The following UNC45A variants were observed in gnomAD, a reference collection of about 807,000 sequenced individuals.
The protein encoded by UNC45A is protein unc-45 homolog A.
A neutral mutation model predicts 103.2 loss-of-function variants in UNC45A; 78 were observed. The ratio of observed to expected loss-of-function variants is 0.76; its 90% CI spans 0.63 to 0.91. The LOEUF (loss-of-function observed/expected upper bound fraction) is 0.91, where lower values mean the gene tolerates loss of function less well. Ranked by LOEUF, UNC45A falls within the 40% of genes least tolerant of loss-of-function variation. The pLI is 0.00. For synonymous variants in UNC45A, 495 were observed against 504.6 expected (o/e 0.98, Z 0.25); for missense variants, 1,193 against 1,224.8 (o/e 0.97, Z 0.39).
chr15:90,934,832 G>C, upstream of UNC45A: 1 of 413,332 alleles, frequency 2.4e-6, no homozygotes, highest in Non-Finnish European at 4.3e-6. Flanking sequence ...CACTTATTTG[G>C]GGAGGGAGTC....
rs73494529 is a variant in UNC45A at position 90,940,631 on chromosome 15, G to C, written c.687+158G>C. 8.7e-3 allele frequency: 7,672 copies of C among 881,474 alleles called. 249 individuals carry two copies. The African/African-American group carries it at 0.089, about 10-fold the overall frequency. The allele number at this position is 881,474 out of a possible 1,614,324, so 54.6% of individuals were successfully genotyped here. The stretch of plus-strand genomic sequence containing the variant: ...CTTACCTTATTCTAAAAAGAACTTA[G>C]GTAGGTTATGGTGCCTCACACCTGT... On this transcript the variant is annotated intron_variant, in intron 6 of 19. Transcript: ENST00000418476.
At position 90,943,067 on chromosome 15, in the gene UNC45A, T is replaced by C. The variant is rs1473824754; in HGVS notation, c.1012T>C (p.Trp338Arg). 2 of 1,612,796 alleles carry C rather than the reference T, an allele frequency of 1.2e-6. No homozygotes were observed. The highest frequency in any genetic ancestry group is 4.5e-5 in the East Asian group (2 of 44,856). Reference sequence around the variant, plus strand: ...GGACCCCAACAACAGCCTCACCCTCTGGGTCATCGACCAAGGTAGGTGATA... The same window carrying C: ...GGACCCCAACAACAGCCTCACCCTCCGGGTCATCGACCAAGGTAGGTGATA... Reference protein sequence around the residue: ...LKDPNNSLTLWVIDQGLKKIL... With the variant: ...LKDPNNSLTLRVIDQGLKKIL... The change falls in exon 8 of 20, where the codon TGG (tryptophan) becomes CGG (arginine). Residue 338 changes from tryptophan (W) to arginine (R), a missense_variant. By Grantham distance (101) the Trp-to-Arg change is moderately radical. Transcript: ENST00000418476.
At position 90,949,757 on chromosome 15, in the gene UNC45A, C is replaced by G. The variant is rs554841012; in HGVS notation, c.2073+37C>G. 3.9e-4 allele frequency: 626 copies of G among 1,604,248 alleles called. 13 individuals are homozygous for G. The South Asian group carries it at 6.4e-3, about 16-fold the overall frequency. Reference sequence around the variant, plus strand: ...TACACACCCCTTCCTGATGGCTGAGCCATCAGCCTATAAAACATGACTCAG... The same window carrying G: ...TACACACCCCTTCCTGATGGCTGAGGCATCAGCCTATAAAACATGACTCAG... On this transcript the variant is annotated intron_variant, in intron 15 of 19. Coordinates refer to ENST00000418476, the MANE Select transcript of UNC45A (RefSeq NM_018671.5).
intron 13 of UNC45A, among the ~76,000 whole-genome samples, chr15:90,949,021 T>C (rs1347571730): frequency 6.6e-6 from 1 of 151,680 alleles, no homozygotes; most frequent in African/African-American, 2.4e-5. Context: ...GGACTACAGG[T>C]GCCCGCCACC....
intron 15 of UNC45A, chr15:90,949,952 C>G: frequency 1.5e-6 from 1 of 667,320 alleles, no homozygotes; most frequent in Non-Finnish European, 2.6e-6. Context: ...TCATTTACCC[C>G]CATGGCCCTG....
At chr15:90,936,172 C>T in intron 3 of UNC45A, 113 bp from the exon 4 acceptor site, 1 of 1,522,992 alleles carries the variant, frequency 6.6e-7, no homozygotes, top group South Asian at 1.3e-5. Context: ...AGCACCGAGC[C>T]CCACATTCGT....
chr15:90,931,142 T>A (rs1002885222), upstream of UNC45A: 3 of 1,116,616 alleles, frequency 2.7e-6, no homozygotes, highest in African/African-American at 4.7e-5. Flanking sequence ...TGAGAAAAAA[T>A]GCAAGTCTTT....
chr15:90,937,715 T>C (rs2036091255), intron 4 of UNC45A, among the ~76,000 whole-genome samples: 1 of 152,192 alleles, frequency 6.6e-6, no homozygotes. Flanking sequence ...CTGGAGCTCC[T>C]GACCTTGTGA....
chr15:90,936,057 G>C (rs1215285266), intron 3 of UNC45A, 75 bp downstream of exon 3: 2 of 1,596,714 alleles, frequency 1.3e-6, no homozygotes, highest in African/African-American at 1.3e-5. Flanking sequence ...CCGCTGCACC[G>C]TCACATTCTC....
intron 2 of UNC45A, 33 bp downstream of exon 2, chr15:90,935,738 C>A: frequency 6.5e-7 from 1 of 1,532,674 alleles, no homozygotes; most frequent in Non-Finnish European, 8.8e-7. Flanking sequence ...CCCTCGCCCG[C>A]CCGGGCCCCG....
In UNC45A at chr15:90,951,400, C is replaced by T. The variant is rs561770674; in HGVS notation, c.2303+785C>T. Among the ~76,000 whole-genome samples, 304 of 152,294 alleles carry T rather than the reference C, an allele frequency of 2.0e-3. 1 individual carries two copies. The highest frequency in any genetic ancestry group is 6.6e-3 in the African/African-American group (273 of 41,550). Reference sequence around the variant, plus strand: ...TGCAAAACAGTAGTGATGATGATCACACTTGCACCTTTAGTATAGGGCCAT... The same window carrying T: ...TGCAAAACAGTAGTGATGATGATCATACTTGCACCTTTAGTATAGGGCCAT... On this transcript the variant is annotated intron_variant, in intron 17 of 19. Coordinates refer to ENST00000418476, the MANE Select transcript of UNC45A (RefSeq NM_018671.5).
At chr15:90,933,904 A>G (rs1215634805), upstream of UNC45A, 2 of 395,984 alleles carry the variant, frequency 5.1e-6, no homozygotes, top group East Asian at 7.2e-5. Context: ...CCTGTGATAG[A>G]GAAGCTTCAG....
chr15:90,938,918 C>T (rs147410309), intron 4 of UNC45A, among the ~76,000 whole-genome samples: 6,068 of 147,694 alleles, frequency 0.041, 427 homozygotes, highest in African/African-American at 0.14. Context: ...GTGATCTGCC[C>T]ACCTCGGCCT....
chr15:90,951,744 C>T (rs1387844653), intron 17 of UNC45A, among the ~76,000 whole-genome samples: 1 of 152,086 alleles, frequency 6.6e-6, no homozygotes, highest in Non-Finnish European at 1.5e-5. Flanking sequence ...ACATGTACCC[C>T]TGAACTTAAC....
At position 90,942,456 on chromosome 15, in the gene UNC45A, T is replaced by A. The variant is rs2036340789; in HGVS notation, c.707T>A (p.Ile236Lys). ...CCCCAGACAGTGGCAACCCTGAGCA[T>A]ACTGGGAACTCGGCGAGTAGTCTCC... ...HQSRTVATLSILGTRRVVSIL... is the reference protein window; with the variant it reads ...HQSRTVATLSKLGTRRVVSIL... The change falls in exon 7 of 20, where the codon ATA (isoleucine) becomes AAA (lysine). Residue 236 changes from isoleucine to lysine, a missense_variant. Coordinates refer to ENST00000418476, the MANE Select transcript of UNC45A (RefSeq NM_018671.5). 6.2e-7 allele frequency: 1 copy of A among 1,613,340 alleles called. No homozygotes were observed. The highest frequency in any genetic ancestry group is 1.3e-5 in the African/African-American group (1 of 74,910).
chr15:90,953,403 C>G, intron 19 of UNC45A, 56 bp from the exon 20 acceptor site: 1 of 1,602,562 alleles, frequency 6.2e-7, no homozygotes, highest in Non-Finnish European at 8.5e-7. Flanking sequence ...GGGTGTGTCC[C>G]TTGCCAAGGT....
rs1206266910 is a variant in UNC45A at position 90,953,234 on chromosome 15, T to C, written c.2501T>C (p.Leu834Pro). 1.9e-6 allele frequency: 3 copies of C among 1,613,632 alleles called. No individual in the cohort carries two copies. Among genetic ancestry groups the C allele is most frequent in the Admixed American group, 3.3e-5 (2 of 60,000 alleles). ...TACAGTGGAGAGGATGATGAGCTGCTACAGCGGGCAGCTGCCGGGGGCTTG... is the reference window on the plus strand; with the variant it reads ...TACAGTGGAGAGGATGATGAGCTGCCACAGCGGGCAGCTGCCGGGGGCTTG... Reference protein sequence around the residue: ...VLYSGEDDELLQRAAAGGLAM... With the variant: ...VLYSGEDDELPQRAAAGGLAM... Residue 834 changes from leucine (L) to proline (P), a missense_variant, in exon 19 of 20, where the codon CTA (leucine) becomes CCA (proline). By Grantham distance (98) the Leu-to-Pro change is moderately conservative. Coordinates refer to ENST00000418476, the MANE Select transcript of UNC45A (RefSeq NM_018671.5).
At chr15:90,951,841 C>A (rs1396959122) in intron 17 of UNC45A, among the ~76,000 whole-genome samples, 1 of 152,136 alleles carries the variant, frequency 6.6e-6, no homozygotes, top group Non-Finnish European at 1.5e-5. Context: ...TCACTTGAGC[C>A]TGGGGGGGTC....
rs570268969 is a variant in UNC45A at position 90,936,565 on chromosome 15, C to A, written c.426+105C>A. On this transcript the variant is annotated intron_variant, in intron 4 of 19. Coordinates refer to ENST00000418476, the MANE Select transcript of UNC45A (RefSeq NM_018671.5). ...AGACGAGATCCCGGTGGCAAGTGAA[C>A]CTTGCCTGTGGCCAGGGAAAAGCAA... The A allele has an allele frequency of 1.4e-4, 190 of 1,367,960 alleles. No individual in the cohort carries two copies. In the African/African-American group the frequency reaches 2.2e-3, roughly 16 times the overall value. 84.7% of individuals were successfully genotyped at this position (1,367,960 alleles called of 1,614,324 possible). A position where few individuals can be genotyped will look rare whatever the true frequency, so the allele number is the denominator to read the frequency against.
Sources: allele counts gnomAD v4.1 joint callset (sites outside exome capture counted in the v4.1 genomes callset), GRCh38; gene constraint gnomAD v4.1.1; transcripts MANE v1.5; gene names NCBI Gene and HGNC (gene_info 2026-07-23, HGNC 2026-07-21).